STX8: variants seen among roughly 807,000 people sequenced by gnomAD.
STX8 encodes syntaxin-8.
In STX8, 23 loss-of-function variants were observed where a neutral mutation model predicts 37.5. That is an observed-to-expected ratio of 0.61 (90% confidence interval 0.44 to 0.87). STX8 has a LOEUF of 0.87. STX8 is among the 40% of genes least tolerant of loss of function. The pLI is 0.00. For missense variants in STX8, 313 were observed against 284.7 expected, an observed-to-expected ratio of 1.10 and a Z score of -0.71; for synonymous variants, 115 against 99.1, an observed-to-expected ratio of 1.16 and a Z score of -0.95.
intron 7 of STX8, among the ~76,000 whole-genome samples, chr17:9,349,311 CTTT>C (rs1431718360): frequency 1.6e-5 from 2 of 128,370 alleles, no homozygotes; most frequent in Non-Finnish European, 3.4e-5. Flanking sequence ...AATTTATTTT[CTTT>C]TCTTTTTTTT....
intron 6 of STX8, among the ~76,000 whole-genome samples, chr17:9,410,190 CCTGA>C (rs1232099084): frequency 6.6e-6 from 1 of 152,294 alleles, no homozygotes; most frequent in African/African-American, 2.4e-5. Context: ...CTCTTTTATT[CCTGA>C]CTAATGATGG....
At chr17:9,570,415 A>T (rs945034274) in intron 1 of STX8, among the ~76,000 whole-genome samples, 15 of 152,188 alleles carry the variant, frequency 9.9e-5, no homozygotes, top group Admixed American at 9.2e-4. Context: ...TATATCATAT[A>T]TATATCACAC....
chr17:9,259,827 C>T (rs17808535), intron 7 of STX8, among the ~76,000 whole-genome samples: 27,786 of 152,052 alleles, frequency 0.18, 3,052 homozygotes, highest in Middle Eastern at 0.27. Context: ...TTCAGCTACG[C>T]GGGAGAAAAG....
At chr17:9,488,250 C>T (rs891572019) in intron 6 of STX8, among the ~76,000 whole-genome samples, 6 of 151,412 alleles carry the variant, frequency 4.0e-5, no homozygotes, top group African/African-American at 9.7e-5. Context: ...CGCTTGAACC[C>T]GGGAGATGGA....
intron 6 of STX8, among the ~76,000 whole-genome samples, chr17:9,445,493 G>GTGGGGGATGGTGGGGGAGGGGGTT (rs1230804637): frequency 1.6e-5 from 2 of 124,696 alleles, no homozygotes; most frequent in Non-Finnish European, 3.4e-5. Context: ...TGGCCGGGGA[G>GTGGGGGATGGTGGGGGAGGGGGTT]GGGGGGATGG....
intron 6 of STX8, among the ~76,000 whole-genome samples, chr17:9,387,247 C>T (rs7342942): frequency 0.23 from 35,145 of 152,062 alleles, 4,144 homozygotes; most frequent in African/African-American, 0.26. Context: ...TTTGTCTCAT[C>T]AGCATTGAAC....
At chr17:9,400,156 G>A (rs920053069) in intron 6 of STX8, among the ~76,000 whole-genome samples, 1 of 149,510 alleles carries the variant, frequency 6.7e-6, no homozygotes, top group Admixed American at 6.7e-5. Flanking sequence ...AGGCTGGAGT[G>A]CAGTGGCGCG....
chr17:9,479,290 T>C (rs1906219849), intron 6 of STX8, among the ~76,000 whole-genome samples: 1 of 152,080 alleles, frequency 6.6e-6, no homozygotes, highest in Admixed American at 6.6e-5. Flanking sequence ...TCCCAGCCCT[T>C]TGGGAGGCTG....
chr17:9,477,013 T>A (rs1906133924), intron 6 of STX8, among the ~76,000 whole-genome samples: 1 of 152,042 alleles, frequency 6.6e-6, no homozygotes, highest in South Asian at 2.1e-4. Flanking sequence ...ATTAGGCTAA[T>A]TTTTTTATTA....
At chr17:9,476,588 G>T (rs934894563) in intron 6 of STX8, among the ~76,000 whole-genome samples, 1 of 151,886 alleles carries the variant, frequency 6.6e-6, no homozygotes, top group East Asian at 1.9e-4. Context: ...AAGTAGCTGG[G>T]ATTAGAGGCA....
At chr17:9,417,348 C>T (rs548768294) in intron 6 of STX8, among the ~76,000 whole-genome samples, 4 of 151,994 alleles carry the variant, frequency 2.6e-5, no homozygotes, top group South Asian at 2.1e-4. Context: ...TGCCAAGGAA[C>T]GATTTTTCTC....
At chr17:9,366,494 T>G (rs879500560) in intron 7 of STX8, among the ~76,000 whole-genome samples, 3 of 152,208 alleles carry the variant, frequency 2.0e-5, no homozygotes, top group Admixed American at 1.3e-4. Flanking sequence ...CCTTCCAAAG[T>G]GCTGGGATTA....
chr17:9,353,998 C>T (rs958880690), intron 7 of STX8, among the ~76,000 whole-genome samples: 1 of 152,150 alleles, frequency 6.6e-6, no homozygotes, highest in Admixed American at 6.5e-5. Context: ...CAAAAGCACT[C>T]ACTTTTCACT....
intron 6 of STX8, among the ~76,000 whole-genome samples, chr17:9,421,899 A>G (rs1434754202): frequency 6.6e-6 from 1 of 151,852 alleles, no homozygotes; most frequent in Non-Finnish European, 1.5e-5. Context: ...TTCTCACAAG[A>G]TCTGGTGGTC....
intron 7 of STX8, among the ~76,000 whole-genome samples, chr17:9,254,853 ATG>A (rs759718609): frequency 0.011 from 1,724 of 151,780 alleles, 20 homozygotes; most frequent in Non-Finnish European, 0.017. Context: ...ACGTGTGTGC[ATG>A]TGTGTGTGTG....
intron 6 of STX8, among the ~76,000 whole-genome samples, chr17:9,485,929 G>T (rs1000130788): frequency 6.6e-6 from 1 of 151,982 alleles, no homozygotes. Context: ...TGCAGCAAGA[G>T]AAAATACAGA....
At chr17:9,322,304 T>G (rs1429102053) in intron 7 of STX8, among the ~76,000 whole-genome samples, 4 of 152,356 alleles carry the variant, frequency 2.6e-5, no homozygotes, top group Non-Finnish European at 5.9e-5. Flanking sequence ...CTCACCAGAC[T>G]TCCATGGTCC....
intron 6 of STX8, among the ~76,000 whole-genome samples, chr17:9,414,679 C>T (rs1194448071): frequency 6.6e-6 from 1 of 151,916 alleles, no homozygotes; most frequent in Non-Finnish European, 1.5e-5. Context: ...AAGAACCAGT[C>T]AGGCACAAAT....
chr17:9,483,636 T>C (rs538653464), intron 6 of STX8, among the ~76,000 whole-genome samples: 1 of 152,354 alleles, frequency 6.6e-6, no homozygotes, highest in East Asian at 1.9e-4. Flanking sequence ...GAAATCTTTA[T>C]CTGATCCTTT....
Sources: allele counts gnomAD v4.1 joint callset (sites outside exome capture counted in the v4.1 genomes callset), GRCh38; gene constraint gnomAD v4.1.1; transcripts MANE v1.5; gene names NCBI Gene and HGNC (gene_info 2026-07-23, HGNC 2026-07-21).